The following EVI5 variants were observed in gnomAD, a reference collection of about 807,000 sequenced individuals.
The protein encoded by EVI5 is ecotropic viral integration site 5 protein homolog.
EVI5 carries 73 observed loss-of-function variants against 112.0 expected under a neutral mutation model. The observed-to-expected ratio is 0.65, with a 90% CI of 0.54 to 0.79. The LOEUF (loss-of-function observed/expected upper bound fraction) is 0.79, where lower values mean the gene tolerates loss of function less well. EVI5 is among the 30% of genes least tolerant of loss of function. The probability of loss-of-function intolerance (pLI) is 0.00; values close to 1 mark genes in which losing one functional copy is unlikely to be tolerated. For missense variants in EVI5, 900 were observed against 968.8 expected (o/e 0.93, Z 0.94); for synonymous variants, 305 against 319.9 (o/e 0.95, Z 0.50).
At chr1:92,744,645 C>A (rs1350079298) in intron 1 of EVI5, among the ~76,000 whole-genome samples, 1 of 150,190 alleles carries the variant, frequency 6.7e-6, no homozygotes, top group Non-Finnish European at 1.5e-5. Context: ...CACACACACA[C>A]AGAGGACGGC....
Position 92,509,399 on chromosome 1 carries a change from A to G in EVI5, c.*4257T>C, listed in dbSNP as rs1659049634. Reference sequence around the variant, plus strand: ...TCTCAGCAAACACTGAATACCTAGTATCTAGCCAAAAAACAAACAAACAAA... The same window carrying G: ...TCTCAGCAAACACTGAATACCTAGTGTCTAGCCAAAAAACAAACAAACAAA... On this transcript the variant is annotated 3_prime_UTR_variant, in exon 20 of 20. Coordinates refer to ENST00000684568, the MANE Select transcript of EVI5 (RefSeq NM_001350197.2). 6.5e-6 allele frequency: 1 copy of G among 152,862 alleles called. No homozygotes were observed. The highest frequency in any genetic ancestry group is 2.4e-5 in the African/African-American group (1 of 41,408). 9.5% of individuals were successfully genotyped at this position (152,862 alleles called of 1,614,324 possible).
chr1:92,774,588 C>A (rs750133393), intron 1 of EVI5, among the ~76,000 whole-genome samples: 18 of 152,264 alleles, frequency 1.2e-4, no homozygotes, highest in Non-Finnish European at 2.2e-4. Flanking sequence ...CATCAAGGTC[C>A]CTTTCAAGAA....
chr1:92,593,537 C>G (rs1206666392), intron 18 of EVI5, among the ~76,000 whole-genome samples: 1 of 152,160 alleles, frequency 6.6e-6, no homozygotes, highest in African/African-American at 2.4e-5. Flanking sequence ...TCTCACCACT[C>G]CTATTCAACA....
At chr1:92,594,835 A>G (rs1308422783) in intron 18 of EVI5, among the ~76,000 whole-genome samples, 2 of 151,316 alleles carry the variant, frequency 1.3e-5, no homozygotes, top group African/African-American at 4.8e-5. Context: ...ATCACTGGCC[A>G]TCAGAGAAAT....
chr1:92,695,160 G>C, intron 7 of EVI5, 150 bp downstream of exon 7: 1 of 570,694 alleles, frequency 1.8e-6, no homozygotes, highest in East Asian at 3.0e-5. Flanking sequence ...TACCTGATAG[G>C]GTTATTATAA....
chr1:92,529,964 A>C (rs1162247654), intron 19 of EVI5, among the ~76,000 whole-genome samples: 1 of 152,168 alleles, frequency 6.6e-6, no homozygotes, highest in Non-Finnish European at 1.5e-5. Context: ...TATGTAGATA[A>C]ATTTTTTCTA....
chr1:92,662,061 G>A (rs989464001), intron 13 of EVI5, among the ~76,000 whole-genome samples: 1 of 152,160 alleles, frequency 6.6e-6, no homozygotes, highest in Non-Finnish European at 1.5e-5. Flanking sequence ...GAGGCTAGAT[G>A]TACAATTAGT....
chr1:92,759,858 C>A (rs550048033), intron 1 of EVI5, among the ~76,000 whole-genome samples: 5 of 131,380 alleles, frequency 3.8e-5, no homozygotes, highest in South Asian at 6.1e-4. Flanking sequence ...TACAAATACC[C>A]TCCCCCCCAC....
At chr1:92,670,021 CA>C (rs1218690811) in intron 10 of EVI5, among the ~76,000 whole-genome samples, 1 of 152,084 alleles carries the variant, frequency 6.6e-6, no homozygotes, top group East Asian at 1.9e-4. Context: ...TTAGTGTTGG[CA>C]AAGTAGTCAT....
chr1:92,742,034 A>G (rs1463870274), intron 1 of EVI5, among the ~76,000 whole-genome samples: 2 of 152,166 alleles, frequency 1.3e-5, no homozygotes, highest in Admixed American at 6.5e-5. Context: ...AGAAAAATGA[A>G]AGCAAATATT....
At chr1:92,783,610 A>G (rs903235070) in intron 1 of EVI5, among the ~76,000 whole-genome samples, 3 of 151,718 alleles carry the variant, frequency 2.0e-5, no homozygotes, top group African/African-American at 7.3e-5. Context: ...TCAAGAGATC[A>G]AGACCATCGT....
intron 1 of EVI5, among the ~76,000 whole-genome samples, 166 bp from the exon 2 acceptor site, chr1:92,736,793 G>T (rs1216475280): frequency 6.6e-6 from 1 of 152,216 alleles, no homozygotes; most frequent in East Asian, 1.9e-4. Context: ...TCCAGCTTTT[G>T]CAAACTGTTT....
rs149634148 is a variant in EVI5, at chr1:92,592,458, A to G, written c.2070+12849T>C. On this transcript the variant is annotated intron_variant, in intron 18 of 19. Coordinates refer to ENST00000684568, the MANE Select transcript of EVI5 (RefSeq NM_001350197.2). The stretch of plus-strand genomic sequence containing the variant: ...AAATTTATAGCCTTAAATGCCCACA[A>G]GAGAAAGCAGGAAGATCTAAAATTG... 5.2e-3 allele frequency among the ~76,000 whole-genome samples: 796 copies of G among 152,362 alleles called. 7 individuals are homozygous for G. The highest frequency in any genetic ancestry group is 0.021 in the South Asian group (100 of 4,830).
chr1:92,695,499 T>C, intron 6 of EVI5, 46 bp from the exon 7 acceptor site: 1 of 1,287,622 alleles, frequency 7.8e-7, no homozygotes, highest in Non-Finnish European at 1.1e-6. Flanking sequence ...AAACTGAGTA[T>C]TTTAAATTAG....
intron 19 of EVI5, among the ~76,000 whole-genome samples, chr1:92,562,981 ATAT>A (rs1333763256): frequency 2.6e-5 from 4 of 152,222 alleles, no homozygotes; most frequent in African/African-American, 4.8e-5. Flanking sequence ...GTTTAGCCAA[ATAT>A]TATCATTAAA....
At chr1:92,709,920 G>T (rs1672581387) in intron 2 of EVI5, among the ~76,000 whole-genome samples, 1 of 151,760 alleles carries the variant, frequency 6.6e-6, no homozygotes, top group South Asian at 2.1e-4. Context: ...CGCACTGCCT[G>T]AAAGTCAACA....
intron 2 of EVI5, among the ~76,000 whole-genome samples, chr1:92,720,953 A>C (rs928617354): frequency 1.6e-4 from 25 of 152,368 alleles, no homozygotes; most frequent in Admixed American, 8.5e-4. Context: ...AGAGAAATGC[A>C]AATCAAAACC....
chr1:92,738,142 C>T (rs983986169), intron 1 of EVI5, among the ~76,000 whole-genome samples: 1 of 152,168 alleles, frequency 6.6e-6, no homozygotes, highest in Admixed American at 6.6e-5. Flanking sequence ...GGGCAAAAGG[C>T]CGTATAGGAA....
chr1:92,557,419 G>A (rs1170355384), intron 19 of EVI5, among the ~76,000 whole-genome samples: 1 of 151,754 alleles, frequency 6.6e-6, no homozygotes, highest in Non-Finnish European at 1.5e-5. Flanking sequence ...GAGTAGCTGG[G>A]GTTACAGGCA....
Sources: gnomAD v4.1 joint callset for allele counts (sites outside exome capture counted in the v4.1 genomes callset) on GRCh38, gnomAD v4.1.1 for gene constraint, MANE v1.5 for transcripts, NCBI Gene and HGNC (gene_info 2026-07-23, HGNC 2026-07-21) for gene names.